Variants in CNTNAP4 observed in about 807,000 individuals in gnomAD.
CNTNAP4 encodes contactin associated protein family member 4.
Under a neutral mutation model 148.4 loss-of-function variants are expected in CNTNAP4, and 98 were observed. The ratio of observed to expected loss-of-function variants is 0.66; its 90% confidence interval spans 0.56 to 0.78. The LOEUF is 0.78. CNTNAP4 is among the 30% of genes least tolerant of loss of function. The pLI is 0.00. For synonymous variants in CNTNAP4, 730 were observed against 565.1 expected, an observed-to-expected ratio of 1.29 and a Z score of -4.14; for missense variants, 1,935 against 1,565.6, an observed-to-expected ratio of 1.24 and a Z score of -3.98.
At chr16:76,499,663 T>A (rs1597744991) in intron 15 of CNTNAP4, among the ~76,000 whole-genome samples, 1 of 150,436 alleles carries the variant, frequency 6.6e-6, no homozygotes, top group East Asian at 2.0e-4. Context: ...CAGATAAACA[T>A]GTGAACAAAG....
intron 3 of CNTNAP4, among the ~76,000 whole-genome samples, chr16:76,396,375 G>C (rs2078206325): frequency 6.6e-6 from 1 of 152,144 alleles, no homozygotes; most frequent in Admixed American, 6.5e-5. Flanking sequence ...GCAAGGGACA[G>C]GATGCACCCT....
At chr16:76,527,730 ATAG>A (rs1392778922) in intron 17 of CNTNAP4, among the ~76,000 whole-genome samples, 1 of 152,222 alleles carries the variant, frequency 6.6e-6, no homozygotes, top group East Asian at 1.9e-4. Context: ...TTTGTTAAAT[ATAG>A]TAGATTTGTC....
At chr16:76,557,516 G>T (rs1248496082) in intron 23 of CNTNAP4, 1 of 152,044 alleles carries the variant, frequency 6.6e-6, no homozygotes, top group Non-Finnish European at 1.5e-5. Flanking sequence ...TGCAGTCAAG[G>T]GTCAAGATTT....
chr16:76,454,251 A>T (rs959952247), intron 8 of CNTNAP4, among the ~76,000 whole-genome samples: 1 of 151,722 alleles, frequency 6.6e-6, no homozygotes, highest in Non-Finnish European at 1.5e-5. Context: ...AGTAACTGGG[A>T]TTACAGGCAT....
chr16:76,369,157 C>T (rs935472124), intron 3 of CNTNAP4, among the ~76,000 whole-genome samples: 1 of 151,796 alleles, frequency 6.6e-6, no homozygotes, highest in Non-Finnish European at 1.5e-5. Context: ...ATAACACATC[C>T]TAAAAGATTG....
intron 11 of CNTNAP4, among the ~76,000 whole-genome samples, chr16:76,477,425 G>A (rs1180942912): frequency 6.6e-6 from 1 of 152,090 alleles, no homozygotes; most frequent in Non-Finnish European, 1.5e-5. Flanking sequence ...AAAGCCATCA[G>A]TCTCACCACC....
In CNTNAP4 at chr16:76,521,171, C is replaced by A. The variant is rs775480620; in HGVS notation, c.2397C>A (p.Thr799=). The stretch of plus-strand genomic sequence containing the variant: ...TTTGGAATTCAGCTTCCTTTGATAC[C>A]GAGGCTTCATATCTTCATTTTCCTA... ...RSFWNSASFD[T]EASYLHFPTF... The change falls in exon 16 of 24, where the codon ACC becomes ACA. Residue 799 remains threonine (T), a synonymous_variant. Coordinates refer to ENST00000611870, the MANE Select transcript of CNTNAP4 (RefSeq NM_033401.5). 5.0e-6 allele frequency: 8 copies of A among 1,600,926 alleles called. No individual in the cohort carries two copies. The East Asian group carries it at 1.8e-4, about 36-fold the overall frequency.
chr16:76,360,027 A>G (rs1390139968), intron 3 of CNTNAP4, among the ~76,000 whole-genome samples: 2 of 152,264 alleles, frequency 1.3e-5, no homozygotes, highest in Non-Finnish European at 2.9e-5. Flanking sequence ...TACCAATCTT[A>G]TAAACTGAGT....
At chr16:76,379,428 C>T (rs1464451090) in intron 3 of CNTNAP4, among the ~76,000 whole-genome samples, 3 of 151,504 alleles carry the variant, frequency 2.0e-5, no homozygotes, top group Admixed American at 1.3e-4. Context: ...TATATTTTCT[C>T]GTTTAAACTT....
chr16:76,359,083 A>T (rs917198213), intron 3 of CNTNAP4, among the ~76,000 whole-genome samples: 18 of 152,182 alleles, frequency 1.2e-4, no homozygotes, highest in Admixed American at 7.9e-4. Context: ...AGACCACTTC[A>T]ATTTGCATTT....
intron 15 of CNTNAP4, among the ~76,000 whole-genome samples, chr16:76,516,606 C>T (rs913715464): frequency 1.3e-5 from 2 of 152,168 alleles, no homozygotes; most frequent in African/African-American, 4.8e-5. Flanking sequence ...TATTTGTACA[C>T]AGATGTTGAC....
At chr16:76,534,882 A>C (rs1283848566) in intron 17 of CNTNAP4, among the ~76,000 whole-genome samples, 1 of 152,226 alleles carries the variant, frequency 6.6e-6, no homozygotes, top group East Asian at 1.9e-4. Context: ...ATGGTTATGT[A>C]TTCAATAAAC....
At chr16:76,419,531 G>T (rs770595993) in intron 3 of CNTNAP4, among the ~76,000 whole-genome samples, 2 of 151,974 alleles carry the variant, frequency 1.3e-5, no homozygotes, top group African/African-American at 4.8e-5. Flanking sequence ...TCTACACTCA[G>T]TTTCCAGAGA....
At chr16:76,458,118 A>G (rs2080805063) in intron 8 of CNTNAP4, among the ~76,000 whole-genome samples, 1 of 152,164 alleles carries the variant, frequency 6.6e-6, no homozygotes, top group African/African-American at 2.4e-5. Flanking sequence ...TGCTGCAAAC[A>G]ATGTTATTCC....
intron 21 of CNTNAP4, among the ~76,000 whole-genome samples, chr16:76,546,314 G>A (rs2084729668): frequency 6.6e-6 from 1 of 152,180 alleles, no homozygotes; most frequent in African/African-American, 2.4e-5. Context: ...CAGTAGGTGA[G>A]TGGCAGGCAG....
intron 15 of CNTNAP4, among the ~76,000 whole-genome samples, chr16:76,518,395 T>C (rs2083330755): frequency 1.3e-5 from 2 of 152,186 alleles, no homozygotes; most frequent in South Asian, 4.1e-4. Flanking sequence ...CCAAAAGTGC[T>C]GGGATTACAG....
intron 3 of CNTNAP4, among the ~76,000 whole-genome samples, chr16:76,384,942 AAATC>A (rs1260622983): frequency 6.6e-6 from 1 of 152,198 alleles, no homozygotes; most frequent in African/African-American, 2.4e-5. Context: ...ATTTTTTAAA[AAATC>A]AATGAGTTAA....
At chr16:76,364,044 C>T (rs991929546) in intron 3 of CNTNAP4, among the ~76,000 whole-genome samples, 3 of 151,878 alleles carry the variant, frequency 2.0e-5, no homozygotes, top group South Asian at 2.1e-4. Flanking sequence ...TGAGACCACC[C>T]TAGCCAGTAT....
intron 12 of CNTNAP4, 92 bp from the exon 13 acceptor site, chr16:76,489,594 G>C (rs1372302178): frequency 1.9e-5 from 13 of 669,572 alleles, no homozygotes; most frequent in South Asian, 4.1e-5. Context: ...ATTTGACTCA[G>C]ATAAAAGGTG....
Sources: allele counts gnomAD v4.1 joint callset (sites outside exome capture counted in the v4.1 genomes callset), GRCh38; gene constraint gnomAD v4.1.1; transcripts MANE v1.5; gene names NCBI Gene and HGNC (gene_info 2026-07-23, HGNC 2026-07-21).